UBE2O: variants seen among roughly 807,000 people sequenced by gnomAD.
UBE2O encodes the protein ubiquitin conjugating enzyme E2 O.
A neutral mutation model predicts 125.8 loss-of-function variants in UBE2O; 15 were observed. The ratio of observed to expected loss-of-function variants is 0.12; its 90% CI spans 0.08 to 0.18. UBE2O has a LOEUF of 0.18. Among genes scored for constraint, UBE2O ranks in the 10% least tolerant of loss-of-function variants. UBE2O has a pLI of 1.00. For missense variants in UBE2O, 1,280 were observed against 1,723.6 expected, an observed-to-expected ratio of 0.74 and a Z score of 4.56; for synonymous variants, 708 against 703.2, an observed-to-expected ratio of 1.01 and a Z score of -0.11.
intron 15 of UBE2O, among the ~76,000 whole-genome samples, chr17:76,392,375 C>T (rs1387101863): frequency 6.6e-6 from 1 of 152,048 alleles, no homozygotes; most frequent in Admixed American, 6.5e-5. Context: ...GCAATAATGG[C>T]TCACTGCAGC....
intron 1 of UBE2O, among the ~76,000 whole-genome samples, chr17:76,423,870 G>A (rs916679673): frequency 2.0e-5 from 3 of 148,554 alleles, no homozygotes; most frequent in African/African-American, 7.4e-5. Flanking sequence ...ACACCAGGTG[G>A]CTCTCAGCTA....
chr17:76,440,118 G>A (rs78258275), intron 1 of UBE2O, among the ~76,000 whole-genome samples: 2,275 of 152,256 alleles, frequency 0.015, 60 homozygotes, highest in African/African-American at 0.051. Flanking sequence ...AATGCCAGGT[G>A]CTATGAGGGA....
intron 1 of UBE2O, among the ~76,000 whole-genome samples, chr17:76,444,275 AC>A (rs1191732689): frequency 6.6e-6 from 1 of 150,998 alleles, no homozygotes; most frequent in African/African-American, 2.4e-5. Flanking sequence ...TCAGCTAGGC[AC>A]CGTGGCTCAC....
intron 1 of UBE2O, among the ~76,000 whole-genome samples, chr17:76,429,409 G>C (rs1219563728): frequency 6.6e-6 from 1 of 151,748 alleles, no homozygotes; most frequent in East Asian, 2.0e-4. Context: ...AGGAGTGGTG[G>C]CGCATGGCTG....
intron 1 of UBE2O, among the ~76,000 whole-genome samples, chr17:76,407,940 C>T (rs574879765): frequency 3.9e-5 from 6 of 152,138 alleles, no homozygotes; most frequent in African/African-American, 9.7e-5. Context: ...AGAGTGGGAG[C>T]GACAAGGGGC....
rs570959270 is a variant in UBE2O, at chr17:76,397,299, C to G, written c.2116-478G>C. Among the ~76,000 whole-genome samples the G allele has an allele frequency of 5.3e-5, 8 of 152,360 alleles. No individual in the cohort carries two copies. The East Asian group carries it at 1.2e-3, about 22-fold the overall frequency. ...TGATGGGGCAAGCCATTCCCGCCCC[C>G]ACTCCTGCCCCCTGTGTGGACCAGG... On this transcript the variant is annotated intron_variant, in intron 13 of 17. Coordinates refer to ENST00000319380, the MANE Select transcript of UBE2O (RefSeq NM_022066.4).
At chr17:76,449,542 T>C (rs185726992) in intron 1 of UBE2O, among the ~76,000 whole-genome samples, 4 of 152,220 alleles carry the variant, frequency 2.6e-5, no homozygotes, top group Admixed American at 2.6e-4. Context: ...GCCACTGCAC[T>C]CCAGCCTGGG....
chr17:76,408,798 T>G (rs977367814), intron 1 of UBE2O, among the ~76,000 whole-genome samples: 13 of 152,036 alleles, frequency 8.6e-5, no homozygotes, highest in African/African-American at 3.1e-4. Flanking sequence ...TGAACAAAAC[T>G]AAACCTTGGA....
Position 76,396,081 on chromosome 17 carries a change from C to A in UBE2O, c.2809+47G>T, listed in dbSNP as rs1231663108. ...CCAGATCTGGTGACACAAACAGGAG[C>A]CCCGAGAAGGCGGGGGAAGGCGAAG... On this transcript the variant is annotated intron_variant, in intron 14 of 17. Transcript: ENST00000319380. This position sits in a 1 kb window ranked among gnomAD's most constrained non-coding sequence, Gnocchi z 6.7. 3.1e-6 allele frequency: 5 copies of A among 1,590,348 alleles called. No individual in the cohort carries two copies. Among genetic ancestry groups the A allele is most frequent in the Non-Finnish European group, 4.3e-6 (5 of 1,165,450 alleles).
chr17:76,428,901 T>C (rs1352897891), intron 1 of UBE2O, among the ~76,000 whole-genome samples: 1 of 150,412 alleles, frequency 6.6e-6, no homozygotes, highest in Non-Finnish European at 1.5e-5. Context: ...ACCCCTCTAC[T>C]ATTTTTTTTT....
At chr17:76,406,618 AG>A (rs1436628854) in intron 1 of UBE2O, among the ~76,000 whole-genome samples, 2 of 151,182 alleles carry the variant, frequency 1.3e-5, no homozygotes, top group African/African-American at 4.9e-5. Context: ...AAAAAAAAAA[AG>A]GAAAGAAAAG....
intron 1 of UBE2O, among the ~76,000 whole-genome samples, chr17:76,418,486 C>T (rs937194471): frequency 5.3e-5 from 8 of 152,098 alleles, no homozygotes; most frequent in Non-Finnish European, 1.2e-4. Context: ...TTTAGATATT[C>T]AATTCAGCAG....
chr17:76,401,999 C>T (rs566261571), intron 5 of UBE2O, 65 bp downstream of exon 5: 24 of 1,551,600 alleles, frequency 1.5e-5, no homozygotes, highest in African/African-American at 6.8e-5. Flanking sequence ...GTCTTTGCTA[C>T]GAAGTCCTCC....
chr17:76,406,670 T>C (rs2072424192), intron 1 of UBE2O, among the ~76,000 whole-genome samples: 1 of 143,826 alleles, frequency 7.0e-6, no homozygotes, highest in Non-Finnish European at 1.5e-5. Context: ...GAGAGTCCCA[T>C]GGGAACTCAT....
intron 1 of UBE2O, among the ~76,000 whole-genome samples, chr17:76,432,224 C>T (rs1314589729): frequency 5.9e-5 from 9 of 152,158 alleles, no homozygotes; most frequent in African/African-American, 7.2e-5. Flanking sequence ...CACATTTCGG[C>T]ACAACCATGT....
chr17:76,450,534 C>A (rs2073222926), intron 1 of UBE2O, among the ~76,000 whole-genome samples: 1 of 152,058 alleles, frequency 6.6e-6, no homozygotes, highest in South Asian at 2.1e-4. Context: ...CACCACCGAG[C>A]CACAAAACGG....
chr17:76,396,959 T>C lies in UBE2O; in HGVS notation c.2116-138A>G. On this transcript the variant is annotated intron_variant, in intron 13 of 17. Transcript: ENST00000319380. This position sits in a 1 kb window ranked among gnomAD's most constrained non-coding sequence, Gnocchi z 6.7. ...AGGCCTTGGCAACCTCATTCCACCC[T>C]TTCCCTGACCTCTGCTCTGGCTTTT... The C allele has an allele frequency of 1.4e-6, 1 of 704,516 alleles. No homozygotes were observed. The highest frequency in any genetic ancestry group is 1.9e-5 in the South Asian group (1 of 51,778). The allele number at this position is 704,516 out of a possible 1,614,324, so 43.6% of individuals were successfully genotyped here.
chr17:76,400,126 TC>T lies in UBE2O; in HGVS notation c.1155+20del, dbSNP rs2072292027. ...GGCCAGTTCCTCAAATGCCCACCAATCCCCAACCCCAAGGACATACCTTCTT... is the reference window on the plus strand; with the variant it reads ...GGCCAGTTCCTCAAATGCCCACCAATCCCAACCCCAAGGACATACCTTCTT... On this transcript the variant is annotated intron_variant, in intron 8 of 17. Coordinates refer to ENST00000319380, the MANE Select transcript of UBE2O (RefSeq NM_022066.4). This position sits in a 1 kb window ranked among gnomAD's most constrained non-coding sequence, Gnocchi z 4.3. 2.5e-6 allele frequency: 4 copies of T among 1,605,622 alleles called. No homozygotes were observed. Among genetic ancestry groups the T allele is most frequent in the African/African-American group, 2.7e-5 (2 of 74,750 alleles).
intron 1 of UBE2O, among the ~76,000 whole-genome samples, chr17:76,421,363 TTTC>T (rs1354039996): frequency 6.6e-6 from 1 of 151,704 alleles, no homozygotes; most frequent in East Asian, 2.0e-4. Flanking sequence ...GAGTGACTAT[TTTC>T]TTTTGTCTTT....
Sources: gnomAD v4.1 joint callset for allele counts (sites outside exome capture counted in the v4.1 genomes callset) on GRCh38, gnomAD v4.1.1 for gene constraint, Gnocchi (gnomAD v3.1) non-coding constraint, MANE v1.5 for transcripts, NCBI Gene and HGNC (gene_info 2026-07-23, HGNC 2026-07-21) for gene names.